The following SNRNP70 variants were observed in gnomAD, a reference collection of about 807,000 sequenced individuals.
SNRNP70 encodes the protein small nuclear ribonucleoprotein U1 subunit 70.
A neutral mutation model predicts 50.5 loss-of-function variants in SNRNP70; 8 were observed. The ratio of observed to expected loss-of-function variants is 0.16; its 90% confidence interval spans 0.09 to 0.29. The LOEUF (loss-of-function observed/expected upper bound fraction) is 0.29, where lower values mean the gene tolerates loss of function less well. Ranked by LOEUF, SNRNP70 falls within the 10% of genes least tolerant of loss-of-function variation. SNRNP70 has a pLI of 1.00. For missense variants in SNRNP70, 529 were observed against 663.5 expected (o/e 0.80, Z 2.23); for synonymous variants, 320 against 252.9 (o/e 1.27, Z -2.52).
At chr19:49,098,336 GT>G in intron 4 of SNRNP70, 90 bp from the exon 5 acceptor site, 2 of 1,081,838 alleles carry the variant, frequency 1.8e-6, no homozygotes. Flanking sequence ...CAATGCCACC[GT>G]TTTCTTCTTG....
chr19:49,105,113 C>T (rs181104907), intron 8 of SNRNP70, among the ~76,000 whole-genome samples: 6 of 152,224 alleles, frequency 3.9e-5, no homozygotes, highest in South Asian at 2.1e-4. Flanking sequence ...AAATGTCACT[C>T]GCTCATCTGC....
chr19:49,107,632 C>T lies in SNRNP70; in HGVS notation c.585C>T (p.Gly195=), dbSNP rs200330610. Residue 195 remains glycine, a synonymous_variant, in exon 9 of 10, where the codon GGC becomes GGT. Transcript: ENST00000598441. The surrounding 1 kb of genome is among the most constrained non-coding windows in gnomAD (Gnocchi z 6.0). ...KGWRPRRLGG[G]LGGTRRGGAD... ...CCGTCTGCCCTGCCCCAGGAGGAGG[C>T]CTCGGTGGTACCAGAAGAGGAGGGG... 52 of 1,614,008 alleles carry T rather than the reference C, an allele frequency of 3.2e-5. No individual in the cohort carries two copies. The highest frequency in any genetic ancestry group is 1.7e-4 in the Middle Eastern group (1 of 6,060).
At chr19:49,101,170 C>G (rs902391119) in intron 6 of SNRNP70, among the ~76,000 whole-genome samples, 1 of 152,240 alleles carries the variant, frequency 6.6e-6, no homozygotes, top group Non-Finnish European at 1.5e-5. Context: ...CTTCATCTCT[C>G]TTCTTTCTTT....
intron 8 of SNRNP70, among the ~76,000 whole-genome samples, chr19:49,106,075 C>G (rs151207474): frequency 3.9e-5 from 6 of 152,214 alleles, no homozygotes; most frequent in African/African-American, 1.2e-4. Flanking sequence ...GGCTCCTGTC[C>G]TGCCTCCCAG....
At position 49,108,461 on chromosome 19, in the gene SNRNP70, T is replaced by G. The variant is rs1261356134; in HGVS notation, c.*18T>G. The G allele has an allele frequency of 6.3e-7, 1 of 1,578,116 alleles. No individual in the cohort carries two copies. Among genetic ancestry groups the G allele is most frequent in the East Asian group, 2.4e-5 (1 of 42,468 alleles). ...CGGAGTGAAGAGGTCGTCCTCTCCA[T>G]CTGCTGTGTTTGGACGCGTTCCTGC... On this transcript the variant is annotated 3_prime_UTR_variant, in exon 10 of 10. Transcript: ENST00000598441.
rs1568416020 is a variant in SNRNP70 at position 49,085,651 on chromosome 19, CTGAG to C, written c.-11+18_-11+21del. The stretch of plus-strand genomic sequence containing the variant: ...GGCGCTACGCGGTGAGTGAGTGTGA[CTGAG>C]TGGCCCGACGGGGTGCGGGGCCGCT... On this transcript the variant is annotated intron_variant, in intron 1 of 9. Coordinates refer to ENST00000598441, the MANE Select transcript of SNRNP70 (RefSeq NM_003089.6). 8.8e-6 allele frequency: 4 copies of C among 455,840 alleles called. No individual in the cohort carries two copies. Among genetic ancestry groups the C allele is most frequent in the Non-Finnish European group, 1.3e-5 (3 of 226,734 alleles). The allele number at this position is 455,840 out of a possible 1,614,324, so 28.2% of individuals were successfully genotyped here.
intron 4 of SNRNP70, among the ~76,000 whole-genome samples, chr19:49,092,411 C>T (rs979255072): frequency 6.9e-6 from 1 of 143,902 alleles, no homozygotes; most frequent in Non-Finnish European, 1.5e-5. Flanking sequence ...CTGGTCACCC[C>T]CCTCCTTTTT....
In SNRNP70 at chr19:49,108,139, C is replaced by T. The variant is rs2040703607; in HGVS notation, c.1010C>T (p.Pro337Leu). Residue 337 changes from proline to leucine, a missense_variant, in exon 10 of 10, where the codon CCT becomes CTT. Physicochemically the swap from Pro to Leu is moderately conservative, Grantham distance 98. Coordinates refer to ENST00000598441, the MANE Select transcript of SNRNP70 (RefSeq NM_003089.6). ...PDDGPPGELG[P>L]DGPDGPEEKG... is the part of the protein sequence containing the mutation. ...GATGGGCCTCCAGGGGAGCTCGGGC[C>T]TGACGGCCCTGACGGTCCAGAGGAA... The T allele has an allele frequency of 6.5e-7, 1 of 1,540,948 alleles. No homozygotes were observed. Among genetic ancestry groups the T allele is most frequent in the South Asian group, 1.2e-5 (1 of 82,496 alleles).
chr19:49,085,888 C>T (rs746707601), intron 1 of SNRNP70, among the ~76,000 whole-genome samples: 4 of 152,164 alleles, frequency 2.6e-5, no homozygotes, highest in Non-Finnish European at 4.4e-5. Flanking sequence ...TCTATGTTGT[C>T]CTGGACCCTT....
Position 49,108,313 on chromosome 19 carries a change from G to A in SNRNP70, c.1184G>A (p.Gly395Glu), listed in dbSNP as rs1292006590. The change falls in exon 10 of 10, where the codon GGG becomes GAG. Residue 395 changes from glycine (G) to glutamate (E), a missense_variant. Gly to Glu is a moderately conservative substitution (Grantham distance 98). Transcript: ENST00000598441. The stretch of plus-strand genomic sequence containing the variant: ...CGGGGCAGGGATGAGGCCCGAGGTG[G>A]GGGCGGTGGCCAGGACAACGGGCTG... ...SERGRDEARG[G>E]GGGQDNGLEG... 6.3e-7 allele frequency: 1 copy of A among 1,591,100 alleles called. No individual in the cohort carries two copies. The highest frequency in any genetic ancestry group is 8.5e-7 in the Non-Finnish European group (1 of 1,169,680).
chr19:49,101,738 T>G, intron 7 of SNRNP70: 3 of 439,742 alleles, frequency 6.8e-6, no homozygotes, highest in African/African-American at 2.3e-5. Context: ...AAGAGGGAAC[T>G]GGGTGGGGGG....
intron 4 of SNRNP70, among the ~76,000 whole-genome samples, chr19:49,093,700 A>AC (rs1221826996): frequency 2.0e-5 from 3 of 148,952 alleles, no homozygotes; most frequent in South Asian, 2.1e-4. Context: ...AAACAAAAAA[A>AC]AAAACAGTTC....
Position 49,104,377 on chromosome 19 carries a change from G to A in SNRNP70, c.476-257G>A. ...GAGGAAGGGCCGGGGAGCCTAGGGG[G>A]TGGCGGGTGAGGGTGGACGTCTCCC... On this transcript the variant is annotated intron_variant, in intron 7 of 9. Coordinates refer to ENST00000598441, the MANE Select transcript of SNRNP70 (RefSeq NM_003089.6). The surrounding 1 kb of genome is among the most constrained non-coding windows in gnomAD (Gnocchi z 5.4). 2.2e-6 allele frequency: 1 copy of A among 461,500 alleles called. No individual in the cohort carries two copies. The highest frequency in any genetic ancestry group is 2.8e-5 in the South Asian group (1 of 35,842). 28.6% of individuals were successfully genotyped at this position (461,500 alleles called of 1,614,324 possible). A position where few individuals can be genotyped will look rare whatever the true frequency, so the allele number is the denominator to read the frequency against.
chr19:49,100,743 T>C (rs1011275999), intron 6 of SNRNP70, among the ~76,000 whole-genome samples: 3 of 149,570 alleles, frequency 2.0e-5, no homozygotes, highest in African/African-American at 7.4e-5. Flanking sequence ...GAGGTGCAGG[T>C]TGCAGTGAGC....
intron 8 of SNRNP70, among the ~76,000 whole-genome samples, chr19:49,105,741 C>CA (rs11351015): frequency 2.7e-5 from 4 of 150,504 alleles, no homozygotes; most frequent in Non-Finnish European, 5.9e-5. Flanking sequence ...AAAAAAAAAA[C>CA]AAAAAACAAA....
chr19:49,107,154 G>A lies in SNRNP70; in HGVS notation c.578-471G>A, dbSNP rs537801576. Among the ~76,000 whole-genome samples the A allele has an allele frequency of 6.6e-6, 1 of 152,312 alleles. No homozygotes were observed. The highest frequency in any genetic ancestry group is 2.4e-5 in the African/African-American group (1 of 41,586). Reference sequence around the variant, plus strand: ...CACTGGGAAAGGCCTGGGACACGCAGCCAAGAGCCGCGGCTCAGACGCTAG... The same window carrying A: ...CACTGGGAAAGGCCTGGGACACGCAACCAAGAGCCGCGGCTCAGACGCTAG... On this transcript the variant is annotated intron_variant, in intron 8 of 9. Transcript: ENST00000598441. The surrounding 1 kb of genome is among the most constrained non-coding windows in gnomAD (Gnocchi z 6.0).
Position 49,108,507 on chromosome 19 carries a change from C to T in SNRNP70, c.*64C>T. The T allele has an allele frequency of 6.5e-7, 1 of 1,529,724 alleles. No individual in the cohort carries two copies. Among genetic ancestry groups the T allele is most frequent in the Non-Finnish European group, 8.8e-7 (1 of 1,136,800 alleles). The allele number at this position is 1,529,724 out of a possible 1,614,324, so 94.8% of individuals were successfully genotyped here. ...CCTGCCCAGCCCCTTGCTGTCATCC[C>T]CTCCCCCAACCTTGGCCACTTGAGT... On this transcript the variant is annotated 3_prime_UTR_variant, in exon 10 of 10. Transcript: ENST00000598441.
chr19:49,098,332 C>T (rs1600282394), intron 4 of SNRNP70, 95 bp from the exon 5 acceptor site: 1 of 1,022,880 alleles, frequency 9.8e-7, no homozygotes, highest in Non-Finnish European at 1.5e-6. Context: ...CTCCCAATGC[C>T]ACCGTTTTCT....
chr19:49,095,265 T>C (rs1322120005), intron 4 of SNRNP70, among the ~76,000 whole-genome samples: 1 of 152,258 alleles, frequency 6.6e-6, no homozygotes, highest in African/African-American at 2.4e-5. Flanking sequence ...TTGTTTGGCC[T>C]TCGTCCACTC....
Sources: gnomAD v4.1 joint callset for allele counts (sites outside exome capture counted in the v4.1 genomes callset) on GRCh38, gnomAD v4.1.1 for gene constraint, Gnocchi (gnomAD v3.1) non-coding constraint, MANE v1.5 for transcripts, NCBI Gene and HGNC (gene_info 2026-07-23, HGNC 2026-07-21) for gene names.